The following HDAC9 variants were observed in gnomAD, a reference collection of about 807,000 sequenced individuals.
The protein encoded by HDAC9 is histone deacetylase 9.
In HDAC9, 41 loss-of-function variants were observed where a neutral mutation model predicts 139.4. The ratio of observed to expected loss-of-function variants is 0.29; its 90% confidence interval spans 0.23 to 0.38. The LOEUF is 0.38. HDAC9 is among the 10% of genes least tolerant of loss of function. HDAC9 has a pLI of 1.00. For missense variants in HDAC9, 1,147 were observed against 1,297.0 expected (o/e 0.88, Z 1.78); for synonymous variants, 517 against 476.2 (o/e 1.09, Z -1.12).
intron 22 of HDAC9, among the ~76,000 whole-genome samples, chr7:18,877,210 T>C (rs1799383801): frequency 6.6e-6 from 1 of 152,092 alleles, no homozygotes; most frequent in South Asian, 2.1e-4. Flanking sequence ...CCCCAACAAG[T>C]GGGTAGAAGC....
In HDAC9 at chr7:18,876,349, C is replaced by G. The variant is rs572881271; in HGVS notation, c.2803+1753C>G. Reference sequence around the variant, plus strand: ...CCCCTCGTTCCCAGTCCCTCCATACCCCTTGTGTATCTTTCCTACTCAAGA... The same window carrying G: ...CCCCTCGTTCCCAGTCCCTCCATACGCCTTGTGTATCTTTCCTACTCAAGA... On this transcript the variant is annotated intron_variant, in intron 22 of 25. Transcript: ENST00000686413. 3.9e-5 allele frequency among the ~76,000 whole-genome samples: 6 copies of G among 152,160 alleles called. No homozygotes were observed. The South Asian group carries it at 1.2e-3, about 32-fold the overall frequency.
intron 24 of HDAC9, among the ~76,000 whole-genome samples, chr7:18,972,505 G>A (rs116184486): frequency 0.02 from 3,030 of 150,780 alleles, 96 homozygotes; most frequent in African/African-American, 0.07. Context: ...CTCAGCCTCC[G>A]GAGTAGCCAG....
chr7:18,167,823 G>C (rs1048340367), intron 2 of HDAC9, among the ~76,000 whole-genome samples: 1 of 152,200 alleles, frequency 6.6e-6, no homozygotes, highest in Non-Finnish European at 1.5e-5. Flanking sequence ...GAGGAGACAG[G>C]TTTGGTGAAC....
chr7:18,901,885 A>G (rs1348144353), intron 22 of HDAC9, among the ~76,000 whole-genome samples: 1 of 152,150 alleles, frequency 6.6e-6, no homozygotes, highest in East Asian at 1.9e-4. Context: ...AGAGTATGTC[A>G]TATTATTATT....
intron 2 of HDAC9, among the ~76,000 whole-genome samples, chr7:18,262,457 A>T (rs1218142867): frequency 6.6e-6 from 1 of 152,246 alleles, no homozygotes; most frequent in Non-Finnish European, 1.5e-5. Flanking sequence ...ATTTTCCACT[A>T]GTAGACCTGT....
At position 18,594,074 on chromosome 7, in the gene HDAC9, C is replaced by T. The variant is rs776177963; in HGVS notation, c.664+45C>T. On this transcript the variant is annotated intron_variant, in intron 6 of 25. Transcript: ENST00000686413. ...ACTCTGTTTGCTCTTCTGTAACACACCTGTAAGTTTCATTTTGCCACACCT... is the reference window on the plus strand; with the variant it reads ...ACTCTGTTTGCTCTTCTGTAACACATCTGTAAGTTTCATTTTGCCACACCT... 1.2e-5 allele frequency: 19 copies of T among 1,603,796 alleles called. No homozygotes were observed. In the East Asian group the frequency reaches 1.6e-4, roughly 13 times the overall value.
chr7:18,882,295 T>A (rs1799796283), intron 22 of HDAC9, among the ~76,000 whole-genome samples: 1 of 152,140 alleles, frequency 6.6e-6, no homozygotes, highest in Admixed American at 6.6e-5. Flanking sequence ...TAACAAAACC[T>A]TGTTTTTCTG....
At chr7:18,835,692 A>G in intron 20 of HDAC9, 106 bp downstream of exon 20, 1 of 1,441,120 alleles carries the variant, frequency 6.9e-7, no homozygotes, top group South Asian at 1.2e-5. Flanking sequence ...TTTAAATTAC[A>G]CGAGATTACT....
chr7:18,277,307 T>G (rs2128218027), intron 2 of HDAC9, among the ~76,000 whole-genome samples: 1 of 152,286 alleles, frequency 6.6e-6, no homozygotes, highest in African/African-American at 2.4e-5. Flanking sequence ...GTGGTCAAGC[T>G]GGCAGAGAAG....
intron 16 of HDAC9, among the ~76,000 whole-genome samples, chr7:18,780,428 G>T (rs532333257): frequency 3.3e-5 from 5 of 152,112 alleles, no homozygotes; most frequent in Admixed American, 2.6e-4. Flanking sequence ...ATAGTGAGTG[G>T]GGAAGCTTCT....
intron 12 of HDAC9, among the ~76,000 whole-genome samples, chr7:18,699,961 A>G (rs1326947461): frequency 3.9e-5 from 6 of 151,966 alleles, no homozygotes; most frequent in Non-Finnish European, 8.8e-5. Context: ...TTCTATTGAC[A>G]TGTTAACGTT....
chr7:18,169,243 A>C (rs1788233535), intron 2 of HDAC9, among the ~76,000 whole-genome samples: 1 of 151,930 alleles, frequency 6.6e-6, no homozygotes, highest in African/African-American at 2.4e-5. Context: ...AGCCTGCAAA[A>C]GTATTTTTTA....
intron 2 of HDAC9, among the ~76,000 whole-genome samples, chr7:18,204,714 T>C (rs1020428407): frequency 6.6e-6 from 1 of 152,038 alleles, no homozygotes; most frequent in African/African-American, 2.4e-5. Context: ...TGCATGTTCA[T>C]GTTTTTGAGG....
chr7:18,564,200 T>C (rs1311895919), intron 2 of HDAC9, among the ~76,000 whole-genome samples: 1 of 152,120 alleles, frequency 6.6e-6, no homozygotes, highest in Non-Finnish European at 1.5e-5. Context: ...GCCTGCATAG[T>C]TTAGAAACAA....
chr7:18,682,992 A>C (rs113239271), intron 12 of HDAC9, among the ~76,000 whole-genome samples: 3,512 of 151,936 alleles, frequency 0.023, 45 homozygotes, highest in South Asian at 0.055. Flanking sequence ...ACAACAACAA[A>C]AAAAATTTAA....
intron 2 of HDAC9, among the ~76,000 whole-genome samples, chr7:18,173,704 A>T (rs536125468): frequency 6.6e-6 from 1 of 151,162 alleles, no homozygotes; most frequent in Admixed American, 6.6e-5. Flanking sequence ...TTTCTCCTTC[A>T]CTTAGTTTGG....
intron 13 of HDAC9, among the ~76,000 whole-genome samples, chr7:18,734,419 C>A (rs917978305): frequency 1.3e-5 from 2 of 152,098 alleles, no homozygotes; most frequent in African/African-American, 4.8e-5. Context: ...GTGATGATCC[C>A]CGCCCTGAGT....
At chr7:18,183,046 G>A (rs1175517819) in intron 2 of HDAC9, among the ~76,000 whole-genome samples, 2 of 145,948 alleles carry the variant, frequency 1.4e-5, no homozygotes, top group African/African-American at 5.1e-5. Flanking sequence ...GTCTCACTCT[G>A]TTGCCCGTGC....
intron 2 of HDAC9, among the ~76,000 whole-genome samples, chr7:18,248,676 A>G (rs925118708): frequency 3.3e-5 from 5 of 152,186 alleles, no homozygotes; most frequent in African/African-American, 9.7e-5. Context: ...CTAAAATGCA[A>G]TAAATGATCT....
Sources: gnomAD v4.1 joint callset for allele counts (sites outside exome capture counted in the v4.1 genomes callset) on GRCh38, gnomAD v4.1.1 for gene constraint, MANE v1.5 for transcripts, NCBI Gene and HGNC (gene_info 2026-07-23, HGNC 2026-07-21) for gene names.